The following HDAC4 variants were observed in gnomAD, a reference collection of about 807,000 sequenced individuals.
HDAC4 encodes the protein histone deacetylase 4.
In HDAC4, 16 loss-of-function variants were observed where a neutral mutation model predicts 135.1. That is an observed-to-expected ratio of 0.12 (90% CI 0.08 to 0.18). HDAC4 has a LOEUF of 0.18. Ranked by LOEUF, HDAC4 falls within the 10% of genes least tolerant of loss-of-function variation. The pLI, the probability that HDAC4 is intolerant of heterozygous loss-of-function variation, is 1.00. For missense variants in HDAC4, 1,143 were observed against 1,511.8 expected (o/e 0.76, Z 4.05); for synonymous variants, 685 against 653.4 (o/e 1.05, Z -0.74).
chr2:239,289,264 T>C (rs2051319871), intron 2 of HDAC4, among the ~76,000 whole-genome samples: 1 of 152,100 alleles, frequency 6.6e-6, no homozygotes, highest in Non-Finnish European at 1.5e-5. Context: ...TAAGAGAAAA[T>C]ATACAAGGTT....
intron 17 of HDAC4, chr2:239,094,734 G>A (rs1044217800): frequency 1.0e-5 from 13 of 1,301,258 alleles, no homozygotes; most frequent in Non-Finnish European, 1.3e-5. Context: ...TGAGATGCTG[G>A]CTGCATACAG....
chr2:239,239,213 A>G (rs971963091), intron 2 of HDAC4, among the ~76,000 whole-genome samples: 17 of 152,220 alleles, frequency 1.1e-4, no homozygotes, highest in African/African-American at 4.1e-4. Flanking sequence ...CTGGACTTCT[A>G]AAGATCGGCT....
Position 239,303,447 on chromosome 2 carries a change from C to T in HDAC4, c.22+49231G>A, listed in dbSNP as rs530598688. Among the ~76,000 whole-genome samples the T allele has an allele frequency of 2.6e-5, 4 of 152,108 alleles. No individual in the cohort carries two copies. The highest frequency in any genetic ancestry group is 5.9e-5 in the Non-Finnish European group (4 of 68,012). On this transcript the variant is annotated intron_variant, in intron 2 of 26. Transcript: ENST00000543185. This position sits in a 1 kb window ranked among gnomAD's most constrained non-coding sequence, Gnocchi z 5.1. ...GTGGTGTGGCCCACAGGGCATCCTGCGAGAGCGTCACAAGCACCCCACGAA... is the reference window on the plus strand; with the variant it reads ...GTGGTGTGGCCCACAGGGCATCCTGTGAGAGCGTCACAAGCACCCCACGAA...
intron 2 of HDAC4, among the ~76,000 whole-genome samples, chr2:239,311,491 A>C (rs1464236228): frequency 6.6e-6 from 1 of 152,206 alleles, no homozygotes; most frequent in Admixed American, 6.5e-5. Flanking sequence ...GTAGAATCCA[A>C]GTGTTACACC....
In HDAC4 at chr2:239,352,287, G is replaced by T. The variant is rs1456844718; in HGVS notation, c.22+391C>A. Among the ~76,000 whole-genome samples the T allele has an allele frequency of 6.6e-6, 1 of 152,172 alleles. No homozygotes were observed. The highest frequency in any genetic ancestry group is 1.5e-5 in the Non-Finnish European group (1 of 67,980). ...GAGCTTCTTCCCAGACAGCCCAGAC[G>T]CCCAGTTGGAGGAGCACTCCCACCC... On this transcript the variant is annotated intron_variant, in intron 2 of 26. Transcript: ENST00000543185. This position sits in a 1 kb window ranked among gnomAD's most constrained non-coding sequence, Gnocchi z 4.4.
chr2:239,390,846 G>A (rs965543312), intron 1 of HDAC4, among the ~76,000 whole-genome samples: 1 of 152,208 alleles, frequency 6.6e-6, no homozygotes, highest in African/African-American at 2.4e-5. Context: ...CAAGGCAGTG[G>A]GCAAAATGCA....
chr2:239,291,755 C>G (rs1419491782), intron 2 of HDAC4, among the ~76,000 whole-genome samples: 1 of 152,210 alleles, frequency 6.6e-6, no homozygotes, highest in East Asian at 1.9e-4. Context: ...TTATTTGGTT[C>G]TTCTAAGTCC....
At chr2:239,296,273 T>C (rs138342272) in intron 2 of HDAC4, among the ~76,000 whole-genome samples, 234 of 152,354 alleles carry the variant, frequency 1.5e-3, no homozygotes, top group African/African-American at 5.4e-3. Context: ...TGCTTAGCTG[T>C]ATGTGTGCCC....
chr2:239,213,437 G>A (rs1312043437), intron 3 of HDAC4, among the ~76,000 whole-genome samples: 1 of 152,214 alleles, frequency 6.6e-6, no homozygotes, highest in Non-Finnish European at 1.5e-5. Flanking sequence ...ACTCACTGGA[G>A]GATTGAGCTC....
At chr2:239,342,566 C>T (rs1401654145) in intron 2 of HDAC4, among the ~76,000 whole-genome samples, 1 of 152,186 alleles carries the variant, frequency 6.6e-6, no homozygotes, top group Non-Finnish European at 1.5e-5. Flanking sequence ...AGTACAGAGT[C>T]TTGGTGAAAG....
intron 4 of HDAC4, among the ~76,000 whole-genome samples, chr2:239,177,285 C>T (rs1176209351): frequency 1.3e-5 from 2 of 152,210 alleles, no homozygotes; most frequent in African/African-American, 2.4e-5. Flanking sequence ...GCTCCAGATC[C>T]GCACATTCCA....
chr2:239,078,948 C>T (rs905957211), intron 22 of HDAC4, among the ~76,000 whole-genome samples: 14 of 152,206 alleles, frequency 9.2e-5, no homozygotes, highest in East Asian at 1.9e-4. Context: ...TCTCTCTGCA[C>T]GGGAATTTGG....
intron 1 of HDAC4, among the ~76,000 whole-genome samples, chr2:239,368,706 G>A (rs1694393988): frequency 6.6e-6 from 1 of 152,130 alleles, no homozygotes; most frequent in African/African-American, 2.4e-5. Context: ...CCCAGGTGAG[G>A]TGGGAGACCT....
intron 2 of HDAC4, among the ~76,000 whole-genome samples, chr2:239,238,107 T>C (rs543497781): frequency 6.6e-6 from 1 of 152,178 alleles, no homozygotes; most frequent in East Asian, 1.9e-4. Flanking sequence ...GGATGCTGAA[T>C]TGTAAACATG....
At chr2:239,174,530 AC>A (rs2043636943) in intron 5 of HDAC4, among the ~76,000 whole-genome samples, 1 of 152,126 alleles carries the variant, frequency 6.6e-6, no homozygotes, top group Non-Finnish European at 1.5e-5. Flanking sequence ...AGCCACAGGA[AC>A]CCCTGTACAT....
In HDAC4 at chr2:239,053,607, G is replaced by A. The variant is rs772021150; in HGVS notation, c.3089-6C>T. 1.9e-6 allele frequency: 3 copies of A among 1,613,052 alleles called. No homozygotes were observed. In the Admixed American group the frequency reaches 5.0e-5, roughly 27 times the overall value. On this transcript the variant is annotated splice_region_variant and splice_polypyrimidine_tract_variant and intron_variant, in intron 25 of 26. Transcript: ENST00000543185. ...CAGGCAGCGCCAGTACTTGCCTGGG[G>A]TGGTGGGGTGAGGAAAGTCGCTCAG... is the stretch of plus-strand genomic sequence containing the variant.
In HDAC4 at chr2:239,215,003, G is replaced by A. The variant is rs1230002620; in HGVS notation, c.94+21590C>T. 2.6e-5 allele frequency among the ~76,000 whole-genome samples: 4 copies of A among 152,204 alleles called. No individual in the cohort carries two copies. In the South Asian group the frequency reaches 8.3e-4, roughly 31 times the overall value. ...TGAGAACGCCCAGCTGGGGATCGAC[G>A]GCAAGCAGGCTCTAGGATCTGGAAG... On this transcript the variant is annotated intron_variant, in intron 3 of 26. Transcript: ENST00000543185.
intron 1 of HDAC4, among the ~76,000 whole-genome samples, chr2:239,377,904 C>T (rs575714728): frequency 5.9e-5 from 9 of 152,256 alleles, no homozygotes; most frequent in Non-Finnish European, 1.0e-4. Flanking sequence ...AGGGGGAGCG[C>T]CCCACCTGCT....
rs1161515878 is a variant in HDAC4 at position 239,156,703 on chromosome 2, G to A, written c.682C>T (p.Pro228Ser). Residue 228 changes from proline (P) to serine (S), a missense_variant, in exon 7 of 27, where the codon CCG (proline) becomes TCG (serine). Around this residue, in one of 9 missense-constraint regions of HDAC4, gnomAD observed 247 missense variants for 310.0 expected, o/e 0.80. Transcript: ENST00000543185. ...QSGVSTSYNH[P>S]VLGMYDAKDD... ...TTGGCGTCGTACATTCCCAGGACCG[G>A]GTGGTTATAGGAGGTCGACACTCCG... 1 of 1,613,990 alleles carries A rather than the reference G, an allele frequency of 6.2e-7. No individual in the cohort carries two copies. The highest frequency in any genetic ancestry group is 8.5e-7 in the Non-Finnish European group (1 of 1,180,022).
Sources: gnomAD v4.1 joint callset for allele counts (sites outside exome capture counted in the v4.1 genomes callset) on GRCh38, gnomAD v4.1.1 for gene constraint, gnomAD v4.1.1 regional missense constraint, Gnocchi (gnomAD v3.1) non-coding constraint, MANE v1.5 for transcripts, NCBI Gene and HGNC (gene_info 2026-07-23, HGNC 2026-07-21) for gene names.